Variants in PCBP3 observed in about 807,000 individuals in gnomAD.
The protein encoded by PCBP3 is poly(rC) binding protein 3.
Under a neutral mutation model 52.7 loss-of-function variants are expected in PCBP3, and 25 were observed. The ratio of observed to expected loss-of-function variants is 0.47; its 90% CI spans 0.35 to 0.66. The LOEUF (loss-of-function observed/expected upper bound fraction) is 0.66. PCBP3 is among the 30% of genes least tolerant of loss of function. The pLI is 0.01. For missense variants in PCBP3, 391 were observed against 490.3 expected (o/e 0.80, Z 1.91); for synonymous variants, 162 against 183.0 (o/e 0.89, Z 0.93).
chr21:45,899,668 G>A (rs781353980), intron 7 of PCBP3, 46 bp downstream of exon 7: 3 of 1,441,320 alleles, frequency 2.1e-6, no homozygotes, highest in Non-Finnish European at 2.9e-6. Context: ...CTCTGTAAGG[G>A]GATGGTGAGG....
At chr21:45,937,131 C>T (rs2076969690) in intron 16 of PCBP3, among the ~76,000 whole-genome samples, 1 of 152,246 alleles carries the variant, frequency 6.6e-6, no homozygotes, top group Admixed American at 6.5e-5. Flanking sequence ...CGTGCTTGTT[C>T]TGAACTTGCC....
intron 4 of PCBP3, among the ~76,000 whole-genome samples, chr21:45,807,280 T>C (rs1376781376): frequency 6.6e-6 from 1 of 152,212 alleles, no homozygotes; most frequent in African/African-American, 2.4e-5. Context: ...ATTGTATATT[T>C]AGAAAACCCC....
At chr21:45,662,663 TAATC>T in intron 1 of PCBP3, among the ~76,000 whole-genome samples, 1 of 152,196 alleles carries the variant, frequency 6.6e-6, no homozygotes, top group South Asian at 2.1e-4. Context: ...AATAATATAA[TAATC>T]CCCGCTCTAC....
chr21:45,705,574 T>C (rs1471384139), intron 2 of PCBP3, among the ~76,000 whole-genome samples: 1 of 152,236 alleles, frequency 6.6e-6, no homozygotes, highest in East Asian at 1.9e-4. Flanking sequence ...AGGGTGCTCC[T>C]GTCTGTGAAT....
At chr21:45,815,093 A>AG (rs1569260133) in intron 4 of PCBP3, among the ~76,000 whole-genome samples, 2 of 2,746 alleles carry the variant, frequency 7.3e-4, no homozygotes, top group Admixed American at 3.6e-3. Flanking sequence ...GTGGTGAGTG[A>AG]TGAGTGAGTG....
intron 1 of PCBP3, among the ~76,000 whole-genome samples, chr21:45,657,528 GCA>G (rs1443772664): frequency 2.0e-4 from 31 of 152,188 alleles, no homozygotes; most frequent in African/African-American, 7.5e-4. Context: ...TATGCCAGCA[GCA>G]CACAGTCTTG....
At chr21:45,721,303 C>T (rs904241451) in intron 2 of PCBP3, among the ~76,000 whole-genome samples, 49 of 151,394 alleles carry the variant, frequency 3.2e-4, no homozygotes, top group Non-Finnish European at 4.9e-4. Flanking sequence ...GTCCCAGCTA[C>T]TCGGGAGGCT....
chr21:45,735,521 A>T lies in PCBP3; in HGVS notation c.-162+92A>T, dbSNP rs187685522. The T allele has an allele frequency of 2.6e-5, 4 of 152,304 alleles. No individual in the cohort carries two copies. The East Asian group carries it at 7.7e-4, about 29-fold the overall frequency. The allele number at this position is 152,304 out of a possible 1,614,324, so 9.4% of individuals were successfully genotyped here. A position where few individuals can be genotyped will look rare whatever the true frequency, so the allele number is the denominator to read the frequency against. ...AGCAGAGTTGAAAGTCTTGCTCTCAAGGGAAGCTGTGTGTCTCTGCTGACC... is the reference window on the plus strand; with the variant it reads ...AGCAGAGTTGAAAGTCTTGCTCTCATGGGAAGCTGTGTGTCTCTGCTGACC... On this transcript the variant is annotated intron_variant, in intron 3 of 17. Transcript: ENST00000681687. The surrounding 1 kb of genome is among the most constrained non-coding windows in gnomAD (Gnocchi z 4.0).
chr21:45,709,242 C>T (rs1157714830), intron 2 of PCBP3, among the ~76,000 whole-genome samples: 1 of 152,182 alleles, frequency 6.6e-6, no homozygotes, highest in Admixed American at 6.5e-5. Flanking sequence ...GCTGAGTATT[C>T]ACTGTAAGAA....
Position 45,887,109 on chromosome 21 carries a change from T to A in PCBP3, c.11-9099T>A, listed in dbSNP as rs544025911. 1.2e-4 allele frequency among the ~76,000 whole-genome samples: 18 copies of A among 152,308 alleles called. No individual in the cohort carries two copies. In the South Asian group the frequency reaches 1.9e-3, roughly 16 times the overall value. On this transcript the variant is annotated intron_variant, in intron 5 of 17. Transcript: ENST00000681687. ...CTGTTGGCATTTCCGGCTTGCCAGCTTTTCCACTTCCAAGTCTGAGAGACA... is the reference window on the plus strand; with the variant it reads ...CTGTTGGCATTTCCGGCTTGCCAGCATTTCCACTTCCAAGTCTGAGAGACA...
intron 5 of PCBP3, among the ~76,000 whole-genome samples, chr21:45,890,205 C>G (rs965878460): frequency 6.6e-6 from 1 of 152,248 alleles, no homozygotes; most frequent in African/African-American, 2.4e-5. Context: ...CCTGGCCACA[C>G]CCTGCAACTA....
intron 13 of PCBP3, among the ~76,000 whole-genome samples, chr21:45,925,225 G>A (rs1409687423): frequency 3.9e-5 from 6 of 152,186 alleles, no homozygotes; most frequent in African/African-American, 1.4e-4. Context: ...GCGAACACCC[G>A]CAGGTCTCTG....
chr21:45,796,234 A>C (rs546446170), intron 4 of PCBP3, among the ~76,000 whole-genome samples: 2 of 152,358 alleles, frequency 1.3e-5, no homozygotes, highest in African/African-American at 4.8e-5. Flanking sequence ...GAAATTGTGC[A>C]AGAATTGTTA....
In PCBP3 at chr21:45,900,884, C is replaced by T. The variant is rs1460294125; in HGVS notation, c.223-113C>T. Reference sequence around the variant, plus strand: ...CATTTTACTGTTCATTCATGGTTTCCGTCAGCGGACAGAGGCATGTGTTTG... The same window carrying T: ...CATTTTACTGTTCATTCATGGTTTCTGTCAGCGGACAGAGGCATGTGTTTG... On this transcript the variant is annotated intron_variant, in intron 8 of 17. Coordinates refer to ENST00000681687, the MANE Select transcript of PCBP3 (RefSeq NM_001384156.1). The T allele has an allele frequency of 1.4e-5, 11 of 771,942 alleles. 1 individual carries two copies. The highest frequency in any genetic ancestry group is 8.8e-5 in the South Asian group (6 of 68,366). 47.8% of individuals were successfully genotyped at this position (771,942 alleles called of 1,614,324 possible).
At chr21:45,657,719 C>A (rs1007957421) in intron 1 of PCBP3, among the ~76,000 whole-genome samples, 4 of 150,396 alleles carry the variant, frequency 2.7e-5, no homozygotes, top group African/African-American at 9.8e-5. Context: ...TTAATTGAAT[C>A]TGTAGATAAT....
At chr21:45,658,510 G>A (rs1312985521) in intron 1 of PCBP3, among the ~76,000 whole-genome samples, 1 of 152,262 alleles carries the variant, frequency 6.6e-6, no homozygotes, top group South Asian at 2.1e-4. Context: ...TACCATGTTG[G>A]CCAGGCTGGT....
chr21:45,645,209 G>C (rs2079175669), intron 1 of PCBP3, among the ~76,000 whole-genome samples: 1 of 149,626 alleles, frequency 6.7e-6, no homozygotes, highest in South Asian at 2.1e-4. Flanking sequence ...TGCAGTGACC[G>C]ACTAACTGAT....
chr21:45,686,222 A>G (rs966603470), intron 2 of PCBP3, among the ~76,000 whole-genome samples: 1 of 152,130 alleles, frequency 6.6e-6, no homozygotes, highest in African/African-American at 2.4e-5. Context: ...CTGGCCTAAG[A>G]TGAACAATTC....
chr21:45,797,202 A>G (rs533067679), intron 4 of PCBP3, among the ~76,000 whole-genome samples: 3 of 152,262 alleles, frequency 2.0e-5, no homozygotes, highest in Non-Finnish European at 2.9e-5. Context: ...TGTGAATGCT[A>G]GATGGATGGA....
Sources: allele counts gnomAD v4.1 joint callset (sites outside exome capture counted in the v4.1 genomes callset), GRCh38; gene constraint gnomAD v4.1.1; non-coding constraint Gnocchi (gnomAD v3.1); transcripts MANE v1.5; gene names NCBI Gene and HGNC (gene_info 2026-07-23, HGNC 2026-07-21).